The following IQSEC1 variants were observed in gnomAD, a reference collection of about 807,000 sequenced individuals.
IQSEC1 encodes IQ motif and SEC7 domain-containing protein 1.
A neutral mutation model predicts 91.0 loss-of-function variants in IQSEC1; 31 were observed. The ratio of observed to expected loss-of-function variants is 0.34; its 90% CI spans 0.26 to 0.46. The LOEUF (loss-of-function observed/expected upper bound fraction) is 0.46. IQSEC1 is among the 20% of genes least tolerant of loss of function. The pLI is 1.00. For synonymous variants in IQSEC1, 699 were observed against 662.6 expected (o/e 1.05, Z -0.84); for missense variants, 1,388 against 1,575.6 (o/e 0.88, Z 2.02).
chr3:13,154,086 G>T (rs867707548), intron 2 of IQSEC1, among the ~76,000 whole-genome samples: 2 of 151,976 alleles, frequency 1.3e-5, no homozygotes, highest in South Asian at 4.1e-4. Context: ...GGCCTGTTAT[G>T]CATATAGAAA....
chr3:12,915,503 C>G (rs554120278), intron 7 of IQSEC1, 91 bp downstream of exon 7: 1 of 1,406,736 alleles, frequency 7.1e-7, no homozygotes, highest in African/African-American at 1.4e-5. Flanking sequence ...AGAGACCACA[C>G]GGAGTGGGGT....
chr3:13,198,598 G>T (rs1694178610), intron 1 of IQSEC1, among the ~76,000 whole-genome samples: 1 of 152,150 alleles, frequency 6.6e-6, no homozygotes, highest in African/African-American at 2.4e-5. Context: ...TCTGAGTTTG[G>T]CTTGGTGGTG....
chr3:12,968,048 C>T (rs931232392), intron 1 of IQSEC1, among the ~76,000 whole-genome samples: 1 of 152,192 alleles, frequency 6.6e-6, no homozygotes, highest in Non-Finnish European at 1.5e-5. Flanking sequence ...TTGCGCAGCC[C>T]CTCCAACACT....
At chr3:13,031,851 C>T (rs1484235090) in intron 1 of IQSEC1, among the ~76,000 whole-genome samples, 2 of 152,014 alleles carry the variant, frequency 1.3e-5, no homozygotes, top group Admixed American at 6.6e-5. Flanking sequence ...GGGGCTGACA[C>T]CTGAAGGACT....
At position 13,273,971 on chromosome 3, in the gene IQSEC1, G is replaced by C. The variant is rs543402501; in HGVS notation, c.272+8740C>G. Reference sequence around the variant, plus strand: ...CCCCACTCAGGGCAACCCTAAGAGGGAGATCCAGTTGTCACTGTCCCCATA... The same window carrying C: ...CCCCACTCAGGGCAACCCTAAGAGGCAGATCCAGTTGTCACTGTCCCCATA... On this transcript the variant is annotated intron_variant, in intron 1 of 15. Coordinates refer to the IQSEC1 transcript ENST00000648114. Among the ~76,000 whole-genome samples, 3 of 152,344 alleles carry C rather than the reference G, an allele frequency of 2.0e-5. No homozygotes were observed. In the East Asian group the frequency reaches 5.8e-4, roughly 29 times the overall value.
At chr3:12,948,281 C>A (rs1461933185) in intron 1 of IQSEC1, among the ~76,000 whole-genome samples, 2 of 152,248 alleles carry the variant, frequency 1.3e-5, no homozygotes, top group Admixed American at 6.5e-5. Flanking sequence ...CAGCTGGAGG[C>A]AGGAAGGGCA....
chr3:13,179,754 G>A (rs1693802854), intron 1 of IQSEC1, among the ~76,000 whole-genome samples: 1 of 152,266 alleles, frequency 6.6e-6, no homozygotes, highest in Non-Finnish European at 1.5e-5. Flanking sequence ...GAGGTGTGGA[G>A]GGAGAGGTGC....
Position 12,908,312 on chromosome 3 carries a change from G to A in IQSEC1, c.2755+37C>T, listed in dbSNP as rs574334411. On this transcript the variant is annotated intron_variant, in intron 12 of 13. Coordinates refer to ENST00000613206, the MANE Select transcript of IQSEC1 (RefSeq NM_001134382.3). The surrounding 1 kb of genome is among the most constrained non-coding windows in gnomAD (Gnocchi z 4.9). ...GACGCCCTGCCTCGGTCTTGCATGC[G>A]CTGGGCTAGCAAGGTGGTTCTAGGC... The A allele has an allele frequency of 9.4e-6, 15 of 1,603,560 alleles. No individual in the cohort carries two copies. The highest frequency in any genetic ancestry group is 1.7e-5 in the Admixed American group (1 of 59,692).
intron 2 of IQSEC1, among the ~76,000 whole-genome samples, chr3:13,118,801 G>A (rs1351620219): frequency 2.6e-5 from 4 of 152,130 alleles, no homozygotes; most frequent in Admixed American, 6.6e-5. Context: ...ATGGGCTGGG[G>A]GCGGTGGCTC....
chr3:13,044,568 C>G (rs1704418065), intron 1 of IQSEC1, among the ~76,000 whole-genome samples: 1 of 152,216 alleles, frequency 6.6e-6, no homozygotes, highest in Non-Finnish European at 1.5e-5. Context: ...CAAGACACCC[C>G]AACTTGGGCT....
intron 1 of IQSEC1, among the ~76,000 whole-genome samples, chr3:13,184,181 G>A (rs1298140654): frequency 2.0e-5 from 3 of 152,172 alleles, no homozygotes; most frequent in African/African-American, 7.2e-5. Context: ...ACATTACCCT[G>A]ATACCCAAAC....
intron 1 of IQSEC1, among the ~76,000 whole-genome samples, chr3:12,982,293 G>C (rs1053911395): frequency 2.6e-5 from 4 of 152,164 alleles, no homozygotes; most frequent in Non-Finnish European, 4.4e-5. Flanking sequence ...CTCAACTGAG[G>C]ATCCCAAAAT....
At chr3:13,047,306 A>C (rs890895419) in intron 1 of IQSEC1, among the ~76,000 whole-genome samples, 1 of 152,164 alleles carries the variant, frequency 6.6e-6, no homozygotes, top group Non-Finnish European at 1.5e-5. Context: ...CAAGCTGTAG[A>C]AGCTCTCAGG....
intron 1 of IQSEC1, among the ~76,000 whole-genome samples, chr3:13,179,797 G>A (rs1473548769): frequency 5.9e-5 from 9 of 152,246 alleles, no homozygotes; most frequent in Admixed American, 2.0e-4. Context: ...CGGTGCTTGC[G>A]GGCCAGCGCG....
intron 1 of IQSEC1, among the ~76,000 whole-genome samples, chr3:13,237,549 C>T (rs1276675981): frequency 6.6e-6 from 1 of 152,178 alleles, no homozygotes; most frequent in Non-Finnish European, 1.5e-5. Context: ...CCCGGTTCCC[C>T]CACAGACACA....
intron 2 of IQSEC1, among the ~76,000 whole-genome samples, chr3:13,120,133 C>A (rs1398986346): frequency 6.6e-6 from 1 of 152,164 alleles, no homozygotes; most frequent in Non-Finnish European, 1.5e-5. Context: ...GGCTCCCTCC[C>A]GGGGAGGAGG....
At chr3:12,998,943 C>T (rs571581348) in intron 1 of IQSEC1, among the ~76,000 whole-genome samples, 1 of 152,180 alleles carries the variant, frequency 6.6e-6, no homozygotes, top group South Asian at 2.1e-4. Flanking sequence ...GAAGCTTTGC[C>T]CCCCTAGACG....
chr3:13,020,124 G>A (rs1703332546), intron 1 of IQSEC1, among the ~76,000 whole-genome samples: 1 of 152,236 alleles, frequency 6.6e-6, no homozygotes, highest in African/African-American at 2.4e-5. Context: ...TGGGACAGAA[G>A]GGGACTCAGG....
chr3:13,157,925 T>A (rs904004186), intron 2 of IQSEC1, among the ~76,000 whole-genome samples: 2 of 152,214 alleles, frequency 1.3e-5, no homozygotes, highest in Admixed American at 6.5e-5. Context: ...ATTAACTGTA[T>A]CTCATTGGTC....
Sources: allele counts gnomAD v4.1 joint callset (sites outside exome capture counted in the v4.1 genomes callset), GRCh38; gene constraint gnomAD v4.1.1; non-coding constraint Gnocchi (gnomAD v3.1); transcripts MANE v1.5; gene names NCBI Gene and HGNC (gene_info 2026-07-23, HGNC 2026-07-21).